The following SSBP2 variants were observed in gnomAD, a reference collection of about 807,000 sequenced individuals.
SSBP2 encodes the protein single stranded DNA binding protein 2.
A neutral mutation model predicts 61.8 loss-of-function variants in SSBP2; 17 were observed. The ratio of observed to expected loss-of-function variants is 0.28; its 90% CI spans 0.19 to 0.41. SSBP2 has a LOEUF of 0.41. Among genes scored for constraint, SSBP2 ranks in the 10% least tolerant of loss-of-function variants. The pLI, the probability that SSBP2 is intolerant of heterozygous loss-of-function variation, is 1.00. For missense variants in SSBP2, 310 were observed against 458.7 expected (o/e 0.68, Z 2.96); for synonymous variants, 139 against 141.3 (o/e 0.98, Z 0.12).
chr5:81,413,161 G>A lies in SSBP2; in HGVS notation c.*7343C>T, dbSNP rs1404508099. ...ATTTTAAAAAATTAAATGTGAAAAC[G>A]TGCCAAATTAAGGGTCATTTATGTA... On this transcript the variant is annotated 3_prime_UTR_variant, in exon 17 of 17. Coordinates refer to ENST00000320672, the MANE Select transcript of SSBP2 (RefSeq NM_012446.5). The A allele has an allele frequency of 6.6e-6, 1 of 152,164 alleles. No individual in the cohort carries two copies. Among genetic ancestry groups the A allele is most frequent in the Non-Finnish European group, 1.5e-5 (1 of 68,012 alleles). The allele number at this position is 152,164 out of a possible 1,614,324, so 9.4% of individuals were successfully genotyped here. A position where few individuals can be genotyped will look rare whatever the true frequency, so the allele number is the denominator to read the frequency against.
intron 1 of SSBP2, among the ~76,000 whole-genome samples, chr5:81,709,113 A>C (rs1581394453): frequency 6.6e-6 from 1 of 151,980 alleles, no homozygotes; most frequent in South Asian, 2.1e-4. Context: ...TTATGCCAAT[A>C]AGAGCTTGAA....
intron 1 of SSBP2, among the ~76,000 whole-genome samples, chr5:81,655,724 C>T (rs1750151848): frequency 6.6e-6 from 1 of 152,220 alleles, no homozygotes; most frequent in Non-Finnish European, 1.5e-5. Context: ...AACACCCACA[C>T]ATGTGATGGA....
intron 1 of SSBP2, among the ~76,000 whole-genome samples, chr5:81,658,916 G>C (rs543796980): frequency 3.9e-5 from 6 of 152,190 alleles, no homozygotes; most frequent in Non-Finnish European, 8.8e-5. Context: ...AATGACTAAA[G>C]CCACATGATT....
intron 4 of SSBP2, among the ~76,000 whole-genome samples, chr5:81,524,513 C>T (rs1318932745): frequency 6.6e-6 from 1 of 152,032 alleles, no homozygotes; most frequent in African/African-American, 2.4e-5. Context: ...CCCACTCCTG[C>T]TCCTAAATGA....
chr5:81,639,833 A>T (rs991753726), intron 2 of SSBP2, among the ~76,000 whole-genome samples: 3 of 152,264 alleles, frequency 2.0e-5, no homozygotes, highest in Admixed American at 6.5e-5. Flanking sequence ...CTTATCCCAA[A>T]AGGACTTTTT....
chr5:81,573,739 A>G (rs1235311925), intron 4 of SSBP2, among the ~76,000 whole-genome samples: 1 of 152,210 alleles, frequency 6.6e-6, no homozygotes, highest in Non-Finnish European at 1.5e-5. Flanking sequence ...ATCCAGGGAT[A>G]TAAGAAAATA....
chr5:81,696,806 A>C (rs1442754592), intron 1 of SSBP2, among the ~76,000 whole-genome samples: 1 of 152,236 alleles, frequency 6.6e-6, no homozygotes, highest in African/African-American at 2.4e-5. Flanking sequence ...AGAAACACGA[A>C]GTATGAGGAG....
At chr5:81,433,593 A>T (rs1478588256) in intron 15 of SSBP2, among the ~76,000 whole-genome samples, 6 of 104,562 alleles carry the variant, frequency 5.7e-5, no homozygotes, top group Admixed American at 1.8e-4. Context: ...AATGATCAAT[A>T]AAAAAAAAAA....
intron 1 of SSBP2, among the ~76,000 whole-genome samples, chr5:81,708,950 C>A (rs1754587558): frequency 6.6e-6 from 1 of 151,698 alleles, no homozygotes. Flanking sequence ...CATTTTTTTA[C>A]AAGAAAAAAT....
At chr5:81,521,886 A>T (rs1003954109) in intron 4 of SSBP2, among the ~76,000 whole-genome samples, 1 of 151,996 alleles carries the variant, frequency 6.6e-6, no homozygotes, top group African/African-American at 2.4e-5. Flanking sequence ...GTTATTGATG[A>T]CTGGGGAAAT....
At chr5:81,528,133 C>A (rs990973435) in intron 4 of SSBP2, among the ~76,000 whole-genome samples, 1 of 151,960 alleles carries the variant, frequency 6.6e-6, no homozygotes, top group African/African-American at 2.4e-5. Context: ...AAGGGACAGG[C>A]CTGCTTTCTT....
intron 1 of SSBP2, among the ~76,000 whole-genome samples, chr5:81,704,898 G>A (rs1374306941): frequency 6.7e-6 from 1 of 148,176 alleles, no homozygotes; most frequent in Non-Finnish European, 1.5e-5. Flanking sequence ...AGACCACTCA[G>A]AATATTTAAC....
intron 1 of SSBP2, among the ~76,000 whole-genome samples, chr5:81,683,279 T>C (rs1005483067): frequency 4.6e-5 from 7 of 152,076 alleles, no homozygotes; most frequent in African/African-American, 1.4e-4. Context: ...TACTGAAGAA[T>C]AGACAAGTAG....
At chr5:81,476,293 G>A (rs1234110732) in intron 6 of SSBP2, among the ~76,000 whole-genome samples, 1 of 152,018 alleles carries the variant, frequency 6.6e-6, no homozygotes, top group African/African-American at 2.4e-5. Context: ...AATTAATTTT[G>A]CCATTTGTCT....
At chr5:81,667,012 C>T (rs771191852) in intron 1 of SSBP2, among the ~76,000 whole-genome samples, 5 of 152,100 alleles carry the variant, frequency 3.3e-5, no homozygotes, top group Non-Finnish European at 7.4e-5. Flanking sequence ...TGACCTCTTG[C>T]TGTAAACAAC....
At chr5:81,597,647 G>A (rs1743906046) in intron 4 of SSBP2, among the ~76,000 whole-genome samples, 1 of 152,034 alleles carries the variant, frequency 6.6e-6, no homozygotes, top group Non-Finnish European at 1.5e-5. Flanking sequence ...AGAAAATGTG[G>A]CACACATACA....
At chr5:81,561,212 T>G (rs184725103) in intron 4 of SSBP2, among the ~76,000 whole-genome samples, 1 of 152,278 alleles carries the variant, frequency 6.6e-6, no homozygotes. Context: ...GAACATCCTA[T>G]GATACTGAAC....
intron 5 of SSBP2, among the ~76,000 whole-genome samples, chr5:81,503,432 T>C (rs1469078550): frequency 6.6e-6 from 1 of 151,952 alleles, no homozygotes; most frequent in Non-Finnish European, 1.5e-5. Flanking sequence ...CCAGCCTGGG[T>C]GACAGAGCGA....
intron 4 of SSBP2, among the ~76,000 whole-genome samples, chr5:81,604,274 A>G (rs73766289): frequency 0.019 from 2,785 of 148,778 alleles, 101 homozygotes; most frequent in African/African-American, 0.065. Flanking sequence ...TTTTTTCTAC[A>G]GTAGTCCTAT....
Sources: allele counts gnomAD v4.1 joint callset (sites outside exome capture counted in the v4.1 genomes callset), GRCh38; gene constraint gnomAD v4.1.1; transcripts MANE v1.5; gene names NCBI Gene and HGNC (gene_info 2026-07-23, HGNC 2026-07-21).